The following LEPR variants were observed in gnomAD, a reference collection of about 807,000 sequenced individuals.
LEPR encodes leptin receptor.
LEPR carries 56 observed loss-of-function variants against 114.7 expected under a neutral mutation model. The observed-to-expected ratio is 0.49, with a 90% CI of 0.39 to 0.61. LEPR has a LOEUF of 0.61. Among genes scored for constraint, LEPR ranks in the 20% least tolerant of loss-of-function variants. The pLI, the probability that LEPR is intolerant of heterozygous loss-of-function variation, is 0.00. For missense variants in LEPR, 1,202 were observed against 1,352.9 expected (o/e 0.89, Z 1.75); for synonymous variants, 443 against 461.4 (o/e 0.96, Z 0.51).
At chr1:65,591,990 A>G (rs1436138991) in intron 5 of LEPR, among the ~76,000 whole-genome samples, 1 of 151,576 alleles carries the variant, frequency 6.6e-6, no homozygotes, top group Admixed American at 6.6e-5. Flanking sequence ...TGGTTGCTTT[A>G]GCATTTATAA....
Position 65,572,290 on chromosome 1 carries a change from GTTTTTTT to G in LEPR, c.371-15_371-9del, listed in dbSNP as rs747467075. 158 of 799,746 alleles carry G rather than the reference GTTTTTTT, an allele frequency of 2.0e-4. No individual in the cohort carries two copies. The African/African-American group carries it at 2.5e-3, about 13-fold the overall frequency. The allele number at this position is 799,746 out of a possible 1,614,324, so 49.5% of individuals were successfully genotyped here. ...ATGGTTTTTGAGATTTCATGTAGTT[GTTTTTTT>G]TTTTTTTTTTTTTTTTTTTTAAATT... On this transcript the variant is annotated intron_variant, in intron 4 of 19. Transcript: ENST00000349533.
intron 2 of LEPR, among the ~76,000 whole-genome samples, chr1:65,564,581 A>G (rs1193621282): frequency 1.3e-5 from 2 of 152,008 alleles, no homozygotes; most frequent in Non-Finnish European, 2.9e-5. Flanking sequence ...TCCTCCGTGA[A>G]TCCGTTTCTT....
intron 2 of LEPR, among the ~76,000 whole-genome samples, chr1:65,539,194 A>G (rs186573474): frequency 6.8e-6 from 1 of 146,768 alleles, no homozygotes; most frequent in East Asian, 2.0e-4. Flanking sequence ...TTGTTATTTT[A>G]TGGATCCAAA....
At chr1:65,507,459 G>GTGTGTGTATGTA (rs375120311) in intron 2 of LEPR, among the ~76,000 whole-genome samples, 1 of 139,522 alleles carries the variant, frequency 7.2e-6, no homozygotes, top group Non-Finnish European at 1.5e-5. Context: ...GTGTGTGTGT[G>GTGTGTGTATGTA]TATATATATA....
intron 2 of LEPR, among the ~76,000 whole-genome samples, chr1:65,541,398 C>T (rs1162675732): frequency 6.6e-6 from 1 of 152,042 alleles, no homozygotes; most frequent in Non-Finnish European, 1.5e-5. Flanking sequence ...ATAGCTTATC[C>T]TTATGCATTT....
Position 65,610,032 on chromosome 1 carries a change from G to A in LEPR, c.1838G>A (p.Cys613Tyr), listed in dbSNP as rs1421235985. The change falls in exon 13 of 20, where the codon TGT becomes TAT. Residue 613 changes from cysteine to tyrosine, a missense_variant. Coordinates refer to ENST00000349533, the MANE Select transcript of LEPR (RefSeq NM_002303.6). ...LCAVYAVQVRCKRLDGLGYWS... is the reference protein window; with the variant it reads ...LCAVYAVQVRYKRLDGLGYWS... ...GCAGTCTATGCTGTTCAGGTGCGCT[G>A]TAAGAGGCTAGATGGACTGGGATAT... is the stretch of plus-strand genomic sequence containing the variant. The A allele has an allele frequency of 6.2e-7, 1 of 1,614,228 alleles. No homozygotes were observed. Among genetic ancestry groups the A allele is most frequent in the South Asian group, 1.1e-5 (1 of 91,088 alleles).
At chr1:65,629,137 C>A (rs539694799) in intron 19 of LEPR, among the ~76,000 whole-genome samples, 11 of 152,060 alleles carry the variant, frequency 7.2e-5, no homozygotes, top group Non-Finnish European at 1.5e-4. Context: ...TTTTTCAATT[C>A]CTTAAGTAAT....
At chr1:65,482,705 A>C (rs928666922) in intron 2 of LEPR, among the ~76,000 whole-genome samples, 1 of 152,156 alleles carries the variant, frequency 6.6e-6, no homozygotes, top group Non-Finnish European at 1.5e-5. Context: ...TGTAAATGTG[A>C]GGCTGGGTGC....
At chr1:65,488,416 C>T (rs961213551) in intron 2 of LEPR, among the ~76,000 whole-genome samples, 5 of 149,844 alleles carry the variant, frequency 3.3e-5, no homozygotes, top group African/African-American at 1.2e-4. Flanking sequence ...AGCATTGAAT[C>T]AACCTCCTGG....
chr1:65,522,745 T>C (rs2100585998), intron 2 of LEPR, among the ~76,000 whole-genome samples: 2 of 152,310 alleles, frequency 1.3e-5, no homozygotes, highest in Middle Eastern at 6.8e-3. Flanking sequence ...AGGATCTGTA[T>C]CTGTGTAAGT....
chr1:65,477,528 A>T (rs1377288859), intron 2 of LEPR, among the ~76,000 whole-genome samples: 2 of 152,178 alleles, frequency 1.3e-5, no homozygotes, highest in African/African-American at 4.8e-5. Flanking sequence ...GTATATTTTT[A>T]ATGGGTGGGA....
intron 2 of LEPR, among the ~76,000 whole-genome samples, chr1:65,533,183 T>C (rs1650523125): frequency 6.6e-6 from 1 of 152,170 alleles, no homozygotes; most frequent in Non-Finnish European, 1.5e-5. Context: ...AGATGAGATT[T>C]ACATCTCATA....
intron 16 of LEPR, 95 bp downstream of exon 16, chr1:65,618,241 A>C (rs1296461011): frequency 8.0e-6 from 9 of 1,123,356 alleles, no homozygotes; most frequent in South Asian, 1.5e-5. Context: ...TGAAAACTTC[A>C]AAAATATAGA....
At chr1:65,519,173 C>T (rs75331601) in intron 2 of LEPR, among the ~76,000 whole-genome samples, 10,004 of 145,816 alleles carry the variant, frequency 0.069, 492 homozygotes, top group South Asian at 0.17. Flanking sequence ...TCCTTCCTTC[C>T]GGGTCTCATT....
At chr1:65,455,541 A>G (rs571728563) in intron 2 of LEPR, among the ~76,000 whole-genome samples, 1 of 151,874 alleles carries the variant, frequency 6.6e-6, no homozygotes, top group African/African-American at 2.4e-5. Flanking sequence ...GTACCCGGCC[A>G]TGTGAGGTGT....
intron 2 of LEPR, among the ~76,000 whole-genome samples, chr1:65,539,387 T>TA (rs1651021005): frequency 6.6e-6 from 1 of 152,194 alleles, no homozygotes; most frequent in South Asian, 2.1e-4. Flanking sequence ...GCATGGCTGT[T>TA]AAATGAAGAA....
At chr1:65,565,515 T>C in intron 2 of LEPR, 31 bp from the exon 3 acceptor site, 1 of 1,610,390 alleles carries the variant, frequency 6.2e-7, no homozygotes, top group Non-Finnish European at 8.5e-7. Flanking sequence ...TGTTTTTGTG[T>C]GTGTTCTGAT....
In LEPR at chr1:65,609,988, C is replaced by T. The variant is rs1311606715; in HGVS notation, c.1794C>T (p.Leu598=). 2 of 1,614,190 alleles carry T rather than the reference C, an allele frequency of 1.2e-6. No homozygotes were observed. The highest frequency in any genetic ancestry group is 3.3e-5 in the Admixed American group (2 of 60,024). ...ATGCAAAATCAAAATCTGTCAGTCT[C>T]CCAGTTCCAGACTTGTGTGCAGTCT... is the stretch of plus-strand genomic sequence containing the variant. ...VYDAKSKSVS[L]PVPDLCAVYA... Residue 598 remains leucine (L), a synonymous_variant, in exon 13 of 20, where the codon CTC becomes CTT. Transcript: ENST00000349533.
intron 2 of LEPR, among the ~76,000 whole-genome samples, chr1:65,512,932 G>A (rs371439549): frequency 6.6e-6 from 1 of 152,184 alleles, no homozygotes; most frequent in African/African-American, 2.4e-5. Flanking sequence ...TTCAGACTGT[G>A]TTCTTATATG....
Sources: gnomAD v4.1 joint callset for allele counts (sites outside exome capture counted in the v4.1 genomes callset) on GRCh38, gnomAD v4.1.1 for gene constraint, MANE v1.5 for transcripts, NCBI Gene and HGNC (gene_info 2026-07-23, HGNC 2026-07-21) for gene names.